KCNJ3: variants seen among roughly 807,000 people sequenced by gnomAD.
KCNJ3 encodes the protein G protein-activated inward rectifier potassium channel 1.
KCNJ3 carries 4 observed loss-of-function variants against 39.2 expected under a neutral mutation model. The ratio of observed to expected loss-of-function variants is 0.10; its 90% CI spans 0.05 to 0.23. The LOEUF (loss-of-function observed/expected upper bound fraction) is 0.23, where lower values mean the gene tolerates loss of function less well. KCNJ3 is among the 10% of genes least tolerant of loss of function. KCNJ3 has a pLI of 1.00. For synonymous variants in KCNJ3, 230 were observed against 237.4 expected, an observed-to-expected ratio of 0.97 and a Z score of 0.29; for missense variants, 276 against 634.9, an observed-to-expected ratio of 0.43 and a Z score of 6.08.
At position 154,804,982 on chromosome 2, in the gene KCNJ3, A is replaced by T. The variant is rs28521341; in HGVS notation, c.920-49745A>T. Among the ~76,000 whole-genome samples the T allele has an allele frequency of 7.6e-3, 1,157 of 152,274 alleles. 8 individuals are homozygous for T. The highest frequency in any genetic ancestry group is 0.012 in the South Asian group (56 of 4,822). On this transcript the variant is annotated intron_variant, in intron 2 of 2. Coordinates refer to ENST00000295101, the MANE Select transcript of KCNJ3 (RefSeq NM_002239.4). The stretch of plus-strand genomic sequence containing the variant: ...ATTACAAATGGATTATATTCCAGAA[A>T]TTTATTTCCATTATCAGATCTTAGA...
At chr2:154,784,126 C>A (rs189081923) in intron 2 of KCNJ3, among the ~76,000 whole-genome samples, 2 of 151,934 alleles carry the variant, frequency 1.3e-5, no homozygotes, top group African/African-American at 4.8e-5. Flanking sequence ...AGCATAAGTA[C>A]GTTTTGTGAA....
chr2:154,748,619 A>C (rs1417790487), intron 2 of KCNJ3, among the ~76,000 whole-genome samples: 1 of 152,014 alleles, frequency 6.6e-6, no homozygotes, highest in South Asian at 2.1e-4. Flanking sequence ...ATATGAGTGA[A>C]CTGAACACTA....
chr2:154,760,397 T>A (rs2105188323), intron 2 of KCNJ3, among the ~76,000 whole-genome samples: 1 of 152,318 alleles, frequency 6.6e-6, no homozygotes, highest in East Asian at 1.9e-4. Context: ...TAAATATTTA[T>A]GTAGGAGTTT....
At chr2:154,705,902 G>A (rs1031236188) in intron 1 of KCNJ3, among the ~76,000 whole-genome samples, 1 of 151,942 alleles carries the variant, frequency 6.6e-6, no homozygotes, top group African/African-American at 2.4e-5. Flanking sequence ...TCCTTCCCAA[G>A]ATTCTATAAA....
chr2:154,776,881 A>G (rs1270252739), intron 2 of KCNJ3, among the ~76,000 whole-genome samples: 1 of 151,608 alleles, frequency 6.6e-6, no homozygotes, highest in African/African-American at 2.4e-5. Flanking sequence ...AAATCCCTCT[A>G]CATTAACAAA....
chr2:154,799,154 CAG>C (rs967853310), intron 2 of KCNJ3, among the ~76,000 whole-genome samples: 1 of 152,136 alleles, frequency 6.6e-6, no homozygotes, highest in Admixed American at 6.6e-5. Context: ...TTGTTTTTAA[CAG>C]AGTCTTGCTC....
chr2:154,827,760 A>G (rs1485622550), intron 2 of KCNJ3, among the ~76,000 whole-genome samples: 1 of 152,160 alleles, frequency 6.6e-6, no homozygotes, highest in Non-Finnish European at 1.5e-5. Flanking sequence ...GGCTTTTACT[A>G]TGTTAGCCAT....
intron 2 of KCNJ3, among the ~76,000 whole-genome samples, chr2:154,729,462 G>T (rs1169786968): frequency 6.6e-6 from 1 of 152,142 alleles, no homozygotes; most frequent in African/African-American, 2.4e-5. Context: ...CCTGAATATA[G>T]TAGTCAGTGT....
At chr2:154,781,045 G>A (rs1277539142) in intron 2 of KCNJ3, among the ~76,000 whole-genome samples, 1 of 152,134 alleles carries the variant, frequency 6.6e-6, no homozygotes, top group African/African-American at 2.4e-5. Context: ...GGACGAGAAA[G>A]GCAAGAGAGT....
At chr2:154,804,981 A>C (rs2105096348) in intron 2 of KCNJ3, among the ~76,000 whole-genome samples, 1 of 152,274 alleles carries the variant, frequency 6.6e-6, no homozygotes, top group Non-Finnish European at 1.5e-5. Context: ...ATATTCCAGA[A>C]ATTTATTTCC....
chr2:154,779,821 T>C (rs918285564), intron 2 of KCNJ3, among the ~76,000 whole-genome samples: 17 of 152,068 alleles, frequency 1.1e-4, no homozygotes, highest in African/African-American at 3.4e-4. Flanking sequence ...ATTGCAGGTG[T>C]AAGCCACCAC....
At position 154,699,835 on chromosome 2, in the gene KCNJ3, G is replaced by T. The variant is rs1255023160; in HGVS notation, c.702+358G>T. 6.6e-6 allele frequency among the ~76,000 whole-genome samples: 1 copy of T among 152,064 alleles called. No individual in the cohort carries two copies. Among genetic ancestry groups the T allele is most frequent in the Admixed American group, 6.6e-5 (1 of 15,266 alleles). On this transcript the variant is annotated intron_variant, in intron 1 of 2. Transcript: ENST00000295101. The surrounding 1 kb of genome is among the most constrained non-coding windows in gnomAD (Gnocchi z 6.4). ...GCTATTCAGAGCGATTTTATTTGTTGTCTACACACTACCCCATTCAATGCG... is the reference window on the plus strand; with the variant it reads ...GCTATTCAGAGCGATTTTATTTGTTTTCTACACACTACCCCATTCAATGCG...
At chr2:154,849,470 T>TATC (rs1258455481) in intron 2 of KCNJ3, among the ~76,000 whole-genome samples, 1 of 152,148 alleles carries the variant, frequency 6.6e-6, no homozygotes, top group Non-Finnish European at 1.5e-5. Context: ...TCTATCCCTC[T>TATC]ATCTTTCCTC....
At chr2:154,810,205 C>T (rs536132267) in intron 2 of KCNJ3, among the ~76,000 whole-genome samples, 22 of 152,262 alleles carry the variant, frequency 1.4e-4, no homozygotes, top group Admixed American at 5.9e-4. Flanking sequence ...ACCTCAGCCT[C>T]CACAGTAGCT....
At chr2:154,838,012 G>A (rs1687499929) in intron 2 of KCNJ3, among the ~76,000 whole-genome samples, 1 of 152,168 alleles carries the variant, frequency 6.6e-6, no homozygotes, top group Non-Finnish European at 1.5e-5. Context: ...TATTATTACT[G>A]ATTGATTGAA....
intron 2 of KCNJ3, among the ~76,000 whole-genome samples, chr2:154,768,847 T>C (rs1686182511): frequency 6.6e-6 from 1 of 152,224 alleles, no homozygotes; most frequent in Admixed American, 6.5e-5. Context: ...TTTGTTTGTG[T>C]CCTCTTTTAT....
Position 154,855,309 on chromosome 2 carries a change from C to A in KCNJ3, c.1502C>A (p.Thr501Lys), listed in dbSNP as rs753679708. 62 of 1,586,416 alleles carry A rather than the reference C, an allele frequency of 3.9e-5. No individual in the cohort carries two copies. The highest frequency in any genetic ancestry group is 5.6e-5 in the South Asian group (5 of 89,096). ...AGAAAAATGAACTCTGATCGCTTCACATAACAAAGCACTCCCTTAGGCATT... is the reference window on the plus strand; with the variant it reads ...AGAAAAATGAACTCTGATCGCTTCAAATAACAAAGCACTCCCTTAGGCATT... Reference protein sequence around the residue: ...KLRKMNSDRFT With the variant: ...KLRKMNSDRFK Residue 501 changes from threonine (T) to lysine (K), a missense_variant, in exon 3 of 3, where the codon ACA becomes AAA. By Grantham distance (78) the Thr-to-Lys change is moderately conservative. Around this residue, in one of 4 missense-constraint regions of KCNJ3, gnomAD observed 126 missense variants for 179.8 expected, o/e 0.70. Transcript: ENST00000295101.
At chr2:154,785,010 G>C (rs1686502538) in intron 2 of KCNJ3, among the ~76,000 whole-genome samples, 1 of 152,160 alleles carries the variant, frequency 6.6e-6, no homozygotes, top group East Asian at 1.9e-4. Context: ...GCAGTGTGAG[G>C]AGAAGAGGGC....
rs529633983 is a variant in KCNJ3, at chr2:154,704,899, T to G, written c.703-4704T>G. On this transcript the variant is annotated intron_variant, in intron 1 of 2. Transcript: ENST00000295101. Reference sequence around the variant, plus strand: ...CACACACATAAATGCATATTACACGTGTAAAGAGGATAAGTGAAATTACAG... The same window carrying G: ...CACACACATAAATGCATATTACACGGGTAAAGAGGATAAGTGAAATTACAG... 2.0e-5 allele frequency among the ~76,000 whole-genome samples: 3 copies of G among 152,136 alleles called. No homozygotes were observed. The South Asian group carries it at 6.2e-4, about 31-fold the overall frequency.
Sources: gnomAD v4.1 joint callset for allele counts (sites outside exome capture counted in the v4.1 genomes callset) on GRCh38, gnomAD v4.1.1 for gene constraint, gnomAD v4.1.1 regional missense constraint, Gnocchi (gnomAD v3.1) non-coding constraint, MANE v1.5 for transcripts, NCBI Gene and HGNC (gene_info 2026-07-23, HGNC 2026-07-21) for gene names.